FRMD4B: variants seen among roughly 807,000 people sequenced by gnomAD.
FRMD4B encodes the protein FERM domain containing 4B.
FRMD4B carries 74 observed loss-of-function variants against 141.5 expected under a neutral mutation model. The observed-to-expected ratio is 0.52, with a 90% CI of 0.43 to 0.63. The LOEUF is 0.63. Ranked by LOEUF, FRMD4B falls within the 30% of genes least tolerant of loss-of-function variation. The probability of loss-of-function intolerance (pLI) is 0.00; values close to 1 mark genes in which losing one functional copy is unlikely to be tolerated. For synonymous variants in FRMD4B, 506 were observed against 467.9 expected, an observed-to-expected ratio of 1.08 and a Z score of -1.05; for missense variants, 1,366 against 1,253.4, an observed-to-expected ratio of 1.09 and a Z score of -1.36.
At chr3:69,367,285 T>TCA (rs1703693985) in intron 1 of FRMD4B, among the ~76,000 whole-genome samples, 2 of 152,334 alleles carry the variant, frequency 1.3e-5, no homozygotes, top group South Asian at 4.1e-4. Flanking sequence ...CAGAATAATA[T>TCA]GAAAGTAAGA....
At chr3:69,342,276 T>A (rs1299312633) in intron 1 of FRMD4B, among the ~76,000 whole-genome samples, 2 of 152,226 alleles carry the variant, frequency 1.3e-5, no homozygotes, top group African/African-American at 4.8e-5. Flanking sequence ...ATACTGTGAT[T>A]ACTTATTTGT....
chr3:69,283,099 C>T (rs569922031), intron 5 of FRMD4B, among the ~76,000 whole-genome samples: 12 of 151,908 alleles, frequency 7.9e-5, no homozygotes, highest in African/African-American at 2.9e-4. Flanking sequence ...AAAGGAGCTC[C>T]CAGGCCAGGC....
At chr3:69,358,460 TC>T (rs1703385540) in intron 1 of FRMD4B, among the ~76,000 whole-genome samples, 2 of 152,206 alleles carry the variant, frequency 1.3e-5, no homozygotes, top group Non-Finnish European at 2.9e-5. Context: ...ACTGGCCAGA[TC>T]CGGGGGGCAC....
intron 5 of FRMD4B, among the ~76,000 whole-genome samples, chr3:69,275,290 GT>G (rs1252798806): frequency 6.6e-6 from 1 of 152,028 alleles, no homozygotes; most frequent in African/African-American, 2.4e-5. Flanking sequence ...AAAAAACGTC[GT>G]TGTCTTTAGT....
intron 1 of FRMD4B, among the ~76,000 whole-genome samples, chr3:69,495,722 C>G (rs1706371394): frequency 6.6e-6 from 1 of 152,166 alleles, no homozygotes; most frequent in Non-Finnish European, 1.5e-5. Context: ...AATATTATTA[C>G]AGCAGCTAGT....
intron 1 of FRMD4B, among the ~76,000 whole-genome samples, chr3:69,495,004 G>A (rs1211649616): frequency 1.3e-5 from 2 of 151,784 alleles, no homozygotes; most frequent in Non-Finnish European, 1.5e-5. Context: ...GAGGGAAAGG[G>A]AGGGAAAGGT....
At chr3:69,389,372 A>C (rs1434905767), upstream of FRMD4B, among the ~76,000 whole-genome samples, 1 of 152,122 alleles carries the variant, frequency 6.6e-6, no homozygotes, top group Non-Finnish European at 1.5e-5. Flanking sequence ...ATATTATAAA[A>C]TGTGTTTTTA....
At chr3:69,326,124 T>TA (rs1445442970) in intron 1 of FRMD4B, among the ~76,000 whole-genome samples, 2 of 150,344 alleles carry the variant, frequency 1.3e-5, no homozygotes, top group African/African-American at 2.5e-5. Flanking sequence ...AATCAATTTT[T>TA]TTTTTTTTTT....
chr3:69,502,291 G>T (rs1466068736), intron 1 of FRMD4B, among the ~76,000 whole-genome samples: 1 of 152,112 alleles, frequency 6.6e-6, no homozygotes, highest in Admixed American at 6.6e-5. Flanking sequence ...ATACTACAAG[G>T]CTACAGTAAC....
intron 5 of FRMD4B, among the ~76,000 whole-genome samples, chr3:69,259,432 C>A (rs1224144674): frequency 6.6e-6 from 1 of 152,062 alleles, no homozygotes; most frequent in Non-Finnish European, 1.5e-5. Flanking sequence ...GTTGGGGACC[C>A]CTGGTATAAA....
chr3:69,192,370 T>C (rs2092847537), intron 17 of FRMD4B, among the ~76,000 whole-genome samples: 1 of 152,054 alleles, frequency 6.6e-6, no homozygotes, highest in African/African-American at 2.4e-5. Context: ...AAAGAGATCC[T>C]GTCTCAAAAA....
intron 4 of FRMD4B, among the ~76,000 whole-genome samples, chr3:69,291,061 G>A (rs777628639): frequency 2.0e-5 from 3 of 152,156 alleles, no homozygotes; most frequent in Non-Finnish European, 2.9e-5. Flanking sequence ...CAAAACCATG[G>A]CAAAAGACTT....
intron 1 of FRMD4B, among the ~76,000 whole-genome samples, chr3:69,478,949 C>G (rs945595140): frequency 6.8e-6 from 1 of 147,282 alleles, no homozygotes; most frequent in Non-Finnish European, 1.5e-5. Flanking sequence ...GATCCCTTTA[C>G]CATTATGTAA....
At chr3:69,295,674 C>T (rs562034472) in intron 4 of FRMD4B, among the ~76,000 whole-genome samples, 2 of 152,240 alleles carry the variant, frequency 1.3e-5, no homozygotes, top group East Asian at 3.9e-4. Context: ...AAAGATCCTA[C>T]AGCACAGCTT....
intron 2 of FRMD4B, among the ~76,000 whole-genome samples, chr3:69,407,317 G>A (rs1464798389): frequency 6.6e-6 from 1 of 152,160 alleles, no homozygotes; most frequent in African/African-American, 2.4e-5. Flanking sequence ...AAGCCACTTA[G>A]TAAAGGCGAG....
At chr3:69,260,580 A>G (rs914369359) in intron 5 of FRMD4B, among the ~76,000 whole-genome samples, 23 of 152,330 alleles carry the variant, frequency 1.5e-4, no homozygotes, top group Middle Eastern at 3.4e-3. Flanking sequence ...ACATGGCCCG[A>G]ACCTCCCCAA....
chr3:69,388,745 G>A (rs80355965), upstream of FRMD4B, among the ~76,000 whole-genome samples: 2 of 152,292 alleles, frequency 1.3e-5, no homozygotes, highest in East Asian at 3.9e-4. Flanking sequence ...GTCTGGTGAA[G>A]GGTAAGCATC....
At chr3:69,406,311 G>A (rs752827837) in intron 2 of FRMD4B, among the ~76,000 whole-genome samples, 3 of 152,148 alleles carry the variant, frequency 2.0e-5, no homozygotes, top group Admixed American at 1.3e-4. Flanking sequence ...GATCCCAGCC[G>A]ATACTCACAG....
chr3:69,299,587 C>A (rs1701144562), intron 4 of FRMD4B, among the ~76,000 whole-genome samples: 1 of 152,190 alleles, frequency 6.6e-6, no homozygotes, highest in Non-Finnish European at 1.5e-5. Context: ...TATGCCCTGC[C>A]TCTCCTTCTG....
Sources: gnomAD v4.1 joint callset for allele counts (sites outside exome capture counted in the v4.1 genomes callset) on GRCh38, gnomAD v4.1.1 for gene constraint, MANE v1.5 for transcripts, NCBI Gene and HGNC (gene_info 2026-07-23, HGNC 2026-07-21) for gene names.